HYAL2: variants seen among roughly 807,000 people sequenced by gnomAD.
HYAL2 encodes the protein hyaluronidase-2.
HYAL2 carries 30 observed loss-of-function variants against 35.4 expected under a neutral mutation model. That is an observed-to-expected ratio of 0.85 (90% CI 0.63 to 1.15). The LOEUF (loss-of-function observed/expected upper bound fraction) is 1.15. HYAL2 is among the 50% of genes most tolerant of loss of function. The probability of loss-of-function intolerance (pLI) is 0.00; values close to 1 mark genes in which losing one functional copy is unlikely to be tolerated. For synonymous variants in HYAL2, 262 were observed against 252.8 expected (o/e 1.04, Z -0.34); for missense variants, 635 against 646.5 (o/e 0.98, Z 0.19).
At position 50,320,423 on chromosome 3, in the gene HYAL2, G is replaced by A; in HGVS notation, c.67C>T (p.Leu23Phe). The change falls in exon 2 of 4, where the codon CTC becomes TTC. Residue 23 changes from leucine to phenylalanine, a missense_variant. Physicochemically the swap from Leu to Phe is conservative, Grantham distance 22. Coordinates refer to ENST00000357750, the MANE Select transcript of HYAL2 (RefSeq NM_003773.5). The surrounding 1 kb of genome is among the most constrained non-coding windows in gnomAD (Gnocchi z 4.8). ...LVLAVSWAME[L>F]KPTAPPIFTG... The stretch of plus-strand genomic sequence containing the variant: ...AAGATGGGTGGTGCTGTGGGCTTGA[G>A]CTCCATGGCCCATGACACCGCCAGC... 1 of 1,601,742 alleles carries A rather than the reference G, an allele frequency of 6.2e-7. No homozygotes were observed. Among genetic ancestry groups the A allele is most frequent in the South Asian group, 1.1e-5 (1 of 89,300 alleles).
rs1702614079 is a variant in HYAL2, at chr3:50,318,698, G to A, written c.1012-159C>T. 4 of 791,146 alleles carry A rather than the reference G, an allele frequency of 5.1e-6. No homozygotes were observed. In the East Asian group the frequency reaches 1.1e-4, roughly 21 times the overall value. The allele number at this position is 791,146 out of a possible 1,614,324, so 49.0% of individuals were successfully genotyped here. The stretch of plus-strand genomic sequence containing the variant: ...GAGCCACACAGTCCCTGCTCCTGCT[G>A]AGAAGTGGGTGGGGGTACAGACCGG... On this transcript the variant is annotated intron_variant, in intron 3 of 3. Transcript: ENST00000357750. The surrounding 1 kb of genome is among the most constrained non-coding windows in gnomAD (Gnocchi z 4.5).
In HYAL2 at chr3:50,318,936, G is replaced by A; in HGVS notation, c.1011+20C>T. On this transcript the variant is annotated intron_variant, in intron 3 of 3. Transcript: ENST00000357750. This position sits in a 1 kb window ranked among gnomAD's most constrained non-coding sequence, Gnocchi z 4.5. The stretch of plus-strand genomic sequence containing the variant: ...TGTCTGTCCCATAGACTGAGCTCTG[G>A]CAGGCTGGGTCTCGCTTACCGTGCT... 6.2e-7 allele frequency: 1 copy of A among 1,605,044 alleles called. No individual in the cohort carries two copies. The highest frequency in any genetic ancestry group is 8.5e-7 in the Non-Finnish European group (1 of 1,172,056).
intron 2 of HYAL2, 144 bp from the exon 3 acceptor site, chr3:50,319,189 T>C: frequency 1.7e-6 from 1 of 591,256 alleles, no homozygotes; most frequent in East Asian, 2.9e-5. Flanking sequence ...GGCTCATTTG[T>C]TTTGCTTCCT....
chr3:50,321,141 A>G (rs893611643), intron 1 of HYAL2: 4 of 151,940 alleles, frequency 2.6e-5, no homozygotes, highest in African/African-American at 9.7e-5. Flanking sequence ...CCTTCCCTCC[A>G]CCGCCACCGG....
chr3:50,319,012 C>G lies in HYAL2; in HGVS notation c.955G>C (p.Ala319Pro). Residue 319 changes from alanine (A) to proline (P), a missense_variant, in exon 3 of 4, where the codon GCC becomes CCC. Ala to Pro is a conservative substitution (Grantham distance 27). Transcript: ENST00000357750. ...AGGATGACACCAGCTGCGCCCAGGGCCGCACTCTCGCCAATGGTAGAGATG... is the reference window on the plus strand; with the variant it reads ...AGGATGACACCAGCTGCGCCCAGGGGCGCACTCTCGCCAATGGTAGAGATG... The part of the protein sequence containing the change: ...DLISTIGESA[A>P]LGAAGVILWG... 1 of 1,610,236 alleles carries G rather than the reference C, an allele frequency of 6.2e-7. No homozygotes were observed. Among genetic ancestry groups the G allele is most frequent in the Non-Finnish European group, 8.5e-7 (1 of 1,177,154 alleles).
Position 50,318,738 on chromosome 3 carries a change from G to T in HYAL2, c.1012-199C>A. 1.5e-6 allele frequency: 1 copy of T among 674,252 alleles called. No homozygotes were observed. Among genetic ancestry groups the T allele is most frequent in the Non-Finnish European group, 2.5e-6 (1 of 399,562 alleles). The allele number at this position is 674,252 out of a possible 1,614,324, so 41.8% of individuals were successfully genotyped here. On this transcript the variant is annotated intron_variant, in intron 3 of 3. Coordinates refer to ENST00000357750, the MANE Select transcript of HYAL2 (RefSeq NM_003773.5). This position sits in a 1 kb window ranked among gnomAD's most constrained non-coding sequence, Gnocchi z 4.5. Reference sequence around the variant, plus strand: ...GTACAGACCGGAACCCAGTTGGGCAGATGGGGAAGGGCGGAACTCAACAGC... The same window carrying T: ...GTACAGACCGGAACCCAGTTGGGCATATGGGGAAGGGCGGAACTCAACAGC...
rs150262015 is a variant in HYAL2 at position 50,318,337 on chromosome 3, G to A, written c.1214C>T (p.Pro405Leu). The A allele has an allele frequency of 5.4e-5, 87 of 1,613,364 alleles. No homozygotes were observed. The highest frequency in any genetic ancestry group is 6.9e-5 in the Non-Finnish European group (82 of 1,180,042). The change falls in exon 4 of 4, where the codon CCC (proline) becomes CTC (leucine). Residue 405 changes from proline (P) to leucine (L), a missense_variant. Transcript: ENST00000357750. The surrounding 1 kb of genome is among the most constrained non-coding windows in gnomAD (Gnocchi z 4.5). ...GAGCTCCCCCACAGGTCGCAGCTGGGGTTCACCAGGTGCATGGCCAGGCAC... is the reference window on the plus strand; with the variant it reads ...GAGCTCCCCCACAGGTCGCAGCTGGAGTTCACCAGGTGCATGGCCAGGCAC... ...RLVPGHAPGEPQLRPVGELSW... is the reference protein window; with the variant it reads ...RLVPGHAPGELQLRPVGELSW...
At position 50,320,801 on chromosome 3, in the gene HYAL2, T is replaced by C. The variant is rs1481310493; in HGVS notation, c.-46-266A>G. On this transcript the variant is annotated intron_variant, in intron 1 of 3. Transcript: ENST00000357750. The surrounding 1 kb of genome is among the most constrained non-coding windows in gnomAD (Gnocchi z 4.8). ...TGTGACCCTTCTAAGAACTAGATAATTTGGGCTCACCAGAGTCACATATAT... is the reference window on the plus strand; with the variant it reads ...TGTGACCCTTCTAAGAACTAGATAACTTGGGCTCACCAGAGTCACATATAT... 1 of 362,766 alleles carries C rather than the reference T, an allele frequency of 2.8e-6. No homozygotes were observed. 22.5% of individuals were successfully genotyped at this position (362,766 alleles called of 1,614,324 possible).
At position 50,318,056 on chromosome 3, in the gene HYAL2, C is replaced by T. The variant is rs1702594905; in HGVS notation, c.*73G>A. ...CTCCAGACTCCAGTTTGTCCACCCC[C>T]TGCAGGGTCCTACATGCCTAAGAGA... On this transcript the variant is annotated 3_prime_UTR_variant, in exon 4 of 4. Coordinates refer to ENST00000357750, the MANE Select transcript of HYAL2 (RefSeq NM_003773.5). This position sits in a 1 kb window ranked among gnomAD's most constrained non-coding sequence, Gnocchi z 4.5. The T allele has an allele frequency of 4.0e-6, 6 of 1,482,290 alleles. No individual in the cohort carries two copies. In the Admixed American group the frequency reaches 9.1e-5, roughly 22 times the overall value. 91.8% of individuals were successfully genotyped at this position (1,482,290 alleles called of 1,614,324 possible).
rs1287904915 is a variant in HYAL2, at chr3:50,318,905, A to G, written c.1011+51T>C. The G allele has an allele frequency of 1.3e-6, 2 of 1,513,156 alleles. No individual in the cohort carries two copies. Among genetic ancestry groups the G allele is most frequent in the Admixed American group, 1.7e-5 (1 of 59,698 alleles). 93.7% of individuals were successfully genotyped at this position (1,513,156 alleles called of 1,614,324 possible). A position where few individuals can be genotyped will look rare whatever the true frequency, so the allele number is the denominator to read the frequency against. ...CTGAGGTTGGTAGCCAAAGGCCCTA[A>G]CTCTCTGTCTGTCCCATAGACTGAG... On this transcript the variant is annotated intron_variant, in intron 3 of 3. Transcript: ENST00000357750. The surrounding 1 kb of genome is among the most constrained non-coding windows in gnomAD (Gnocchi z 4.5).
Position 50,317,983 on chromosome 3 carries a change from T to G in HYAL2, c.*146A>C. The G allele has an allele frequency of 1.3e-6, 1 of 787,240 alleles. No homozygotes were observed. The highest frequency in any genetic ancestry group is 2.0e-6 in the Non-Finnish European group (1 of 494,048). 48.8% of individuals were successfully genotyped at this position (787,240 alleles called of 1,614,324 possible). On this transcript the variant is annotated 3_prime_UTR_variant, in exon 4 of 4. Coordinates refer to ENST00000357750, the MANE Select transcript of HYAL2 (RefSeq NM_003773.5). ...TCCCCTCCCCCTTAGAACAGGGGGG[T>G]GCGAGCTGGTATGGATGCCCTCCTG... is the stretch of plus-strand genomic sequence containing the variant.
In HYAL2 at chr3:50,320,716, A is replaced by C; in HGVS notation, c.-46-181T>G. On this transcript the variant is annotated intron_variant, in intron 1 of 3. Coordinates refer to ENST00000357750, the MANE Select transcript of HYAL2 (RefSeq NM_003773.5). This position sits in a 1 kb window ranked among gnomAD's most constrained non-coding sequence, Gnocchi z 4.8. ...GGCACCCTGGGAACTCACTGCCAGA[A>C]GCACAGGGCTCTTTTCTGGAGCAGG... 2.0e-6 allele frequency: 1 copy of C among 512,362 alleles called. No homozygotes were observed. Among genetic ancestry groups the C allele is most frequent in the African/African-American group, 1.9e-5 (1 of 52,390 alleles). 31.7% of individuals were successfully genotyped at this position (512,362 alleles called of 1,614,324 possible).
At chr3:50,321,410 C>G (rs1553716697) in intron 1 of HYAL2, 2 of 152,206 alleles carry the variant, frequency 1.3e-5, no homozygotes, top group Non-Finnish European at 2.9e-5. Flanking sequence ...CCACCGCCAT[C>G]CCGGGCCCAG....
At chr3:50,319,338 G>T (rs1702631438) in intron 2 of HYAL2, among the ~76,000 whole-genome samples, 1 of 152,210 alleles carries the variant, frequency 6.6e-6, no homozygotes, top group Non-Finnish European at 1.5e-5. Context: ...CTCTGCTCTG[G>T]ATTTGCTGGG....
chr3:50,318,620 T>C lies in HYAL2; in HGVS notation c.1012-81A>G, dbSNP rs1342053458. ...CCAGATGGAAACTGTGTCCACACTG[T>C]GATGACTATACCTTATTTTAACTGC... On this transcript the variant is annotated intron_variant, in intron 3 of 3. Transcript: ENST00000357750. This position sits in a 1 kb window ranked among gnomAD's most constrained non-coding sequence, Gnocchi z 4.5. The C allele has an allele frequency of 5.5e-6, 7 of 1,277,456 alleles. No individual in the cohort carries two copies. The highest frequency in any genetic ancestry group is 7.7e-6 in the Non-Finnish European group (7 of 909,882). The allele number at this position is 1,277,456 out of a possible 1,614,324, so 79.1% of individuals were successfully genotyped here.
Position 50,320,774 on chromosome 3 carries a change from TCTGTGACC to T in HYAL2, c.-46-247_-46-240del. The T allele has an allele frequency of 2.3e-6, 1 of 439,954 alleles. No homozygotes were observed. Among genetic ancestry groups the T allele is most frequent in the South Asian group, 4.6e-5 (1 of 21,750 alleles). The allele number at this position is 439,954 out of a possible 1,614,324, so 27.3% of individuals were successfully genotyped here. ...TGGCTCGGCACAAATCTCTATTAGG[TCTGTGACC>T]CTTCTAAGAACTAGATAATTTGGGC... is the stretch of plus-strand genomic sequence containing the variant. On this transcript the variant is annotated intron_variant, in intron 1 of 3. Coordinates refer to ENST00000357750, the MANE Select transcript of HYAL2 (RefSeq NM_003773.5). The surrounding 1 kb of genome is among the most constrained non-coding windows in gnomAD (Gnocchi z 4.8).
rs1185557623 is a variant in HYAL2, at chr3:50,321,000, G to GT, written c.-46-466dup. ...ACGCTGCCGGGAGGCTTCTATCCGT[G>GT]TAACACTCGCCCGGCAGAAGAGTGA... On this transcript the variant is annotated intron_variant, in intron 1 of 3. Coordinates refer to ENST00000357750, the MANE Select transcript of HYAL2 (RefSeq NM_003773.5). The surrounding 1 kb of genome is among the most constrained non-coding windows in gnomAD (Gnocchi z 4.8). 1.3e-5 allele frequency: 2 copies of GT among 153,044 alleles called. No individual in the cohort carries two copies. The highest frequency in any genetic ancestry group is 2.9e-5 in the Non-Finnish European group (2 of 68,652). 9.5% of individuals were successfully genotyped at this position (153,044 alleles called of 1,614,324 possible). A position where few individuals can be genotyped will look rare whatever the true frequency, so the allele number is the denominator to read the frequency against.
rs1272501398 is a variant in HYAL2 at position 50,320,644 on chromosome 3, T to C, written c.-46-109A>G. ...ATGCTGTGTGGGGGCACTGTGCTCA[T>C]GGCTGTAATAGGTTTGAGAGACCAC... On this transcript the variant is annotated intron_variant, in intron 1 of 3. Transcript: ENST00000357750. The surrounding 1 kb of genome is among the most constrained non-coding windows in gnomAD (Gnocchi z 4.8). The C allele has an allele frequency of 2.8e-6, 2 of 717,608 alleles. No homozygotes were observed. The highest frequency in any genetic ancestry group is 4.4e-6 in the Non-Finnish European group (2 of 451,688). The allele number at this position is 717,608 out of a possible 1,614,324, so 44.5% of individuals were successfully genotyped here.
At position 50,318,362 on chromosome 3, in the gene HYAL2, C is replaced by T. The variant is rs148918464; in HGVS notation, c.1189G>A (p.Val397Met). Residue 397 changes from valine to methionine, a missense_variant, in exon 4 of 4, where the codon GTG (valine) becomes ATG (methionine). Coordinates refer to ENST00000357750, the MANE Select transcript of HYAL2 (RefSeq NM_003773.5). The surrounding 1 kb of genome is among the most constrained non-coding windows in gnomAD (Gnocchi z 4.5). Reference protein sequence around the residue: ...LHLSTNSFRLVPGHAPGEPQL... With the variant: ...LHLSTNSFRLMPGHAPGEPQL... ...GGTTCACCAGGTGCATGGCCAGGCA[C>T]TAGGCGGAAACTGTTGGTGCTGAGA... The T allele has an allele frequency of 6.2e-7, 1 of 1,613,450 alleles. No homozygotes were observed.
Sources: allele counts gnomAD v4.1 joint callset (sites outside exome capture counted in the v4.1 genomes callset), GRCh38; gene constraint gnomAD v4.1.1; non-coding constraint Gnocchi (gnomAD v3.1); transcripts MANE v1.5; gene names NCBI Gene and HGNC (gene_info 2026-07-23, HGNC 2026-07-21).